The following CPQ variants were observed in gnomAD, a reference collection of about 807,000 sequenced individuals.
The protein encoded by CPQ is carboxypeptidase Q.
Under a neutral mutation model 45.7 loss-of-function variants are expected in CPQ, and 37 were observed. That is an observed-to-expected ratio of 0.81 (90% CI 0.62 to 1.07). CPQ has a LOEUF of 1.07. Ranked by LOEUF, CPQ falls within the 50% of genes least tolerant of loss-of-function variation. The probability of loss-of-function intolerance (pLI) is 0.00; values close to 1 mark genes in which losing one functional copy is unlikely to be tolerated. For synonymous variants in CPQ, 186 were observed against 205.8 expected (o/e 0.90, Z 0.82); for missense variants, 537 against 572.9 (o/e 0.94, Z 0.64).
chr8:96,843,985 G>T (rs1189829020), intron 3 of CPQ, among the ~76,000 whole-genome samples: 3 of 152,002 alleles, frequency 2.0e-5, no homozygotes, highest in Non-Finnish European at 4.4e-5. Context: ...TTTATTCTTG[G>T]CTGCTATTTT....
Position 97,123,940 on chromosome 8 carries a change from A to G in CPQ, c.1256-19080A>G, listed in dbSNP as rs549465805. Among the ~76,000 whole-genome samples the G allele has an allele frequency of 2.1e-3, 323 of 152,274 alleles. 1 individual carries two copies. Among genetic ancestry groups the G allele is most frequent in the African/African-American group, 7.5e-3 (310 of 41,556 alleles). The stretch of plus-strand genomic sequence containing the variant: ...AGGGACATTTTATAATGGTAAAATA[A>G]TCTATTCATCAATAAGACACAGTGA... On this transcript the variant is annotated intron_variant, in intron 7 of 7. Coordinates refer to ENST00000220763, the MANE Select transcript of CPQ (RefSeq NM_016134.4).
chr8:96,775,634 CTG>C (rs1810595359), intron 1 of CPQ, among the ~76,000 whole-genome samples: 1 of 152,184 alleles, frequency 6.6e-6, no homozygotes, highest in Non-Finnish European at 1.5e-5. Flanking sequence ...TGCATGAAAA[CTG>C]TGCAACAACA....
intron 2 of CPQ, among the ~76,000 whole-genome samples, chr8:96,830,404 G>A (rs1038241819): frequency 6.6e-6 from 1 of 152,106 alleles, no homozygotes; most frequent in South Asian, 2.1e-4. Flanking sequence ...TACATGATCC[G>A]TGCCAATACC....
intron 1 of CPQ, among the ~76,000 whole-genome samples, chr8:96,772,549 G>A (rs1810557165): frequency 6.6e-6 from 1 of 152,058 alleles, no homozygotes; most frequent in Non-Finnish European, 1.5e-5. Context: ...AAAGTATGTA[G>A]TAGGACAAGA....
intron 2 of CPQ, among the ~76,000 whole-genome samples, chr8:96,793,866 A>G (rs546046596): frequency 1.3e-5 from 2 of 152,364 alleles, no homozygotes; most frequent in Admixed American, 1.3e-4. Context: ...CCAGCAGGGC[A>G]GCCAAATCTT....
At chr8:97,137,783 G>T (rs1331576958) in intron 7 of CPQ, among the ~76,000 whole-genome samples, 2 of 151,646 alleles carry the variant, frequency 1.3e-5, no homozygotes, top group Non-Finnish European at 3.0e-5. Context: ...CAAAAAATTA[G>T]CTGGGCGTGG....
At chr8:96,939,074 T>C (rs1389169126) in intron 4 of CPQ, among the ~76,000 whole-genome samples, 1 of 152,202 alleles carries the variant, frequency 6.6e-6, no homozygotes, top group African/African-American at 2.4e-5. Flanking sequence ...AGTTGGTATA[T>C]ACAACAGAAT....
intron 6 of CPQ, among the ~76,000 whole-genome samples, chr8:97,044,004 A>T (rs902479066): frequency 1.3e-5 from 2 of 152,032 alleles, no homozygotes; most frequent in African/African-American, 2.4e-5. Context: ...GGCGTTCTCT[A>T]TATTTCCTGA....
chr8:96,810,764 AAG>A (rs1215515857), intron 2 of CPQ, among the ~76,000 whole-genome samples: 1 of 152,184 alleles, frequency 6.6e-6, no homozygotes, highest in Non-Finnish European at 1.5e-5. Context: ...CTCTGCTCAT[AAG>A]AGACAGCTAT....
At chr8:96,904,847 A>G (rs1236797642) in intron 4 of CPQ, among the ~76,000 whole-genome samples, 1 of 152,164 alleles carries the variant, frequency 6.6e-6, no homozygotes, top group Non-Finnish European at 1.5e-5. Context: ...TTCACATGAA[A>G]TAGAATCTGA....
chr8:96,652,758 G>T (rs1211125908), intron 1 of CPQ, among the ~76,000 whole-genome samples: 1 of 151,766 alleles, frequency 6.6e-6, no homozygotes, highest in Non-Finnish European at 1.5e-5. Context: ...TCAGCCTCCT[G>T]AGTAGCTGGG....
intron 1 of CPQ, among the ~76,000 whole-genome samples, chr8:96,690,331 G>A (rs1223457524): frequency 6.6e-6 from 1 of 152,054 alleles, no homozygotes; most frequent in East Asian, 1.9e-4. Flanking sequence ...TGTGAGAGGG[G>A]CACCCCATTG....
At chr8:96,981,327 T>G (rs1563545473) in intron 5 of CPQ, among the ~76,000 whole-genome samples, 1 of 152,196 alleles carries the variant, frequency 6.6e-6, no homozygotes, top group Non-Finnish European at 1.5e-5. Flanking sequence ...GTAATTGAAA[T>G]TATTGAGTTG....
intron 4 of CPQ, among the ~76,000 whole-genome samples, chr8:96,900,192 T>C (rs1045801934): frequency 6.6e-6 from 1 of 152,204 alleles, no homozygotes; most frequent in Non-Finnish European, 1.5e-5. Flanking sequence ...CAAGTATGTC[T>C]GGCTCTAAAG....
At chr8:96,753,203 A>G (rs982257337) in intron 1 of CPQ, among the ~76,000 whole-genome samples, 3 of 152,102 alleles carry the variant, frequency 2.0e-5, no homozygotes, top group Non-Finnish European at 4.4e-5. Context: ...TCTGTCACAT[A>G]TTAAGTTATA....
At chr8:96,871,098 T>G (rs1479923086) in intron 3 of CPQ, among the ~76,000 whole-genome samples, 2 of 152,028 alleles carry the variant, frequency 1.3e-5, no homozygotes, top group Non-Finnish European at 2.9e-5. Flanking sequence ...AGTACTGATT[T>G]CTTATTGGTG....
At chr8:96,950,129 G>C (rs756755387) in intron 4 of CPQ, among the ~76,000 whole-genome samples, 4 of 151,954 alleles carry the variant, frequency 2.6e-5, no homozygotes, top group Non-Finnish European at 5.9e-5. Flanking sequence ...TATAATAAAG[G>C]TTCATCATTT....
intron 1 of CPQ, among the ~76,000 whole-genome samples, chr8:96,770,311 C>T (rs980415109): frequency 1.3e-5 from 2 of 152,120 alleles, no homozygotes; most frequent in Non-Finnish European, 2.9e-5. Context: ...TTGCCCTGCT[C>T]CCATCATCTC....
intron 2 of CPQ, among the ~76,000 whole-genome samples, chr8:96,829,580 G>C (rs971360759): frequency 2.6e-5 from 4 of 152,096 alleles, no homozygotes; most frequent in African/African-American, 7.2e-5. Context: ...AAATGAATAG[G>C]TGTTTCATCT....
Sources: allele counts gnomAD v4.1 joint callset (sites outside exome capture counted in the v4.1 genomes callset), GRCh38; gene constraint gnomAD v4.1.1; transcripts MANE v1.5; gene names NCBI Gene and HGNC (gene_info 2026-07-23, HGNC 2026-07-21).